Variants in FAM13B observed in about 807,000 individuals in gnomAD.
FAM13B encodes the protein protein FAM13B.
FAM13B carries 60 observed loss-of-function variants against 117.3 expected under a neutral mutation model. The ratio of observed to expected loss-of-function variants is 0.51; its 90% CI spans 0.42 to 0.63. The LOEUF (loss-of-function observed/expected upper bound fraction) is 0.63, where lower values mean the gene tolerates loss of function less well. FAM13B is among the 30% of genes least tolerant of loss of function. The probability of loss-of-function intolerance (pLI) is 0.00; values close to 1 mark genes in which losing one functional copy is unlikely to be tolerated. For synonymous variants in FAM13B, 332 were observed against 356.1 expected (o/e 0.93, Z 0.76); for missense variants, 972 against 1,091.9 (o/e 0.89, Z 1.55).
intron 15 of FAM13B, 125 bp downstream of exon 15, chr5:137,954,041 C>CTCT: frequency 7.7e-6 from 3 of 388,202 alleles, no homozygotes; most frequent in African/African-American, 2.5e-5. Flanking sequence ...CAATCTCTCT[C>CTCT]TTTTTTTTTT....
chr5:137,962,422 T>C lies in FAM13B; in HGVS notation c.1227A>G (p.Glu409=). ...ATGCTTACCTCTCAAGACAGCCATCTTCACTATCACCACGGTCACTGCATG... is the reference window on the plus strand; with the variant it reads ...ATGCTTACCTCTCAAGACAGCCATCCTCACTATCACCACGGTCACTGCATG... ...LEPCSDRGDS[E]DGCLEREEYL... Residue 409 remains glutamate (E), a synonymous_variant, in exon 11 of 24, where the codon GAA becomes GAG. Transcript: ENST00000689681. 6.2e-7 allele frequency: 1 copy of C among 1,613,828 alleles called. No homozygotes were observed. The highest frequency in any genetic ancestry group is 1.3e-5 in the African/African-American group (1 of 75,058).
At chr5:137,992,172 C>G (rs1778761462) in intron 7 of FAM13B, among the ~76,000 whole-genome samples, 1 of 151,888 alleles carries the variant, frequency 6.6e-6, no homozygotes, top group Non-Finnish European at 1.5e-5. Flanking sequence ...TCAGCTTCCC[C>G]AAGTGCTAGG....
chr5:137,981,179 G>A lies in FAM13B; in HGVS notation c.1179+4078C>T, dbSNP rs1435483799. Among the ~76,000 whole-genome samples, 8 of 142,422 alleles carry A rather than the reference G, an allele frequency of 5.6e-5. No homozygotes were observed. In the South Asian group the frequency reaches 8.8e-4, roughly 16 times the overall value. The allele number at this position is 142,422 out of a possible 152,430, so 93.4% of individuals were successfully genotyped here. A position where few individuals can be genotyped will look rare whatever the true frequency, so the allele number is the denominator to read the frequency against. On this transcript the variant is annotated intron_variant, in intron 10 of 23. Transcript: ENST00000689681. The stretch of plus-strand genomic sequence containing the variant: ...TTTCAAACTCCCAGGCTCAAATGAC[G>A]CTCTCACCATGACCTCCCAAAGTGC...
At chr5:137,981,045 G>A (rs1036291600) in intron 10 of FAM13B, among the ~76,000 whole-genome samples, 1 of 147,844 alleles carries the variant, frequency 6.8e-6, no homozygotes, top group African/African-American at 2.5e-5. Flanking sequence ...CCAAGTAGCT[G>A]GGACCACAGG....
intron 7 of FAM13B, among the ~76,000 whole-genome samples, chr5:137,993,549 G>C (rs745599593): frequency 2.6e-5 from 4 of 151,952 alleles, no homozygotes; most frequent in Non-Finnish European, 4.4e-5. Context: ...GGGAGGCTGA[G>C]GCGGGCAGAT....
chr5:138,026,497 T>C (rs1788408889), intron 1 of FAM13B, among the ~76,000 whole-genome samples: 1 of 150,522 alleles, frequency 6.6e-6, no homozygotes, highest in Non-Finnish European at 1.5e-5. Context: ...CATGATGTCA[T>C]GCGCCTGCAG....
At chr5:138,009,933 T>G (rs1435401531) in intron 6 of FAM13B, among the ~76,000 whole-genome samples, 3 of 151,968 alleles carry the variant, frequency 2.0e-5, no homozygotes, top group Non-Finnish European at 4.4e-5. Context: ...GAATAAAAAC[T>G]TATTCAGTTC....
intron 16 of FAM13B, 111 bp from the exon 17 acceptor site, chr5:137,952,820 T>C (rs1391070720): frequency 1.9e-5 from 12 of 638,180 alleles, no homozygotes; most frequent in Non-Finnish European, 2.9e-5. Context: ...TCAATTCTCA[T>C]TTCATCTTAT....
chr5:138,042,846 C>G (rs1791536197), intron 1 of FAM13B, among the ~76,000 whole-genome samples: 1 of 152,138 alleles, frequency 6.6e-6, no homozygotes. Flanking sequence ...AATCCCAGCA[C>G]TTTGGGAGGC....
chr5:138,028,592 G>A (rs937343835), intron 1 of FAM13B, among the ~76,000 whole-genome samples: 3 of 152,146 alleles, frequency 2.0e-5, no homozygotes, highest in African/African-American at 7.2e-5. Context: ...CATAAAATAC[G>A]CAAAAAATGG....
At chr5:138,022,074 C>T (rs1786879370) in intron 1 of FAM13B, among the ~76,000 whole-genome samples, 1 of 149,300 alleles carries the variant, frequency 6.7e-6, no homozygotes, top group African/African-American at 2.5e-5. Context: ...GTTTGCACCA[C>T]TGCACTCCAG....
intron 17 of FAM13B, among the ~76,000 whole-genome samples, chr5:137,951,785 T>C (rs1477723649): frequency 6.6e-6 from 1 of 152,124 alleles, no homozygotes; most frequent in Non-Finnish European, 1.5e-5. Context: ...GAGACCAGCC[T>C]GGGCAACATG....
chr5:137,983,214 A>ACG, intron 10 of FAM13B, among the ~76,000 whole-genome samples: 1 of 120,272 alleles, frequency 8.3e-6, no homozygotes, highest in Admixed American at 9.2e-5. Context: ...AAAAAAAAAA[A>ACG]ACCGAGTGAG....
chr5:137,960,789 C>T (rs928999787), intron 11 of FAM13B, among the ~76,000 whole-genome samples: 5 of 152,134 alleles, frequency 3.3e-5, no homozygotes, highest in African/African-American at 4.8e-5. Context: ...CCTTTTACTT[C>T]CCCAGAAAAA....
At chr5:137,968,541 G>C (rs1186394631) in intron 10 of FAM13B, among the ~76,000 whole-genome samples, 2 of 151,816 alleles carry the variant, frequency 1.3e-5, no homozygotes, top group Non-Finnish European at 2.9e-5. Flanking sequence ...AGTTTATGTA[G>C]ATCACATAAA....
At chr5:137,989,896 GA>G (rs148450551) in intron 7 of FAM13B, among the ~76,000 whole-genome samples, 1 of 151,914 alleles carries the variant, frequency 6.6e-6, no homozygotes, top group East Asian at 1.9e-4. Context: ...AAGCTGGGGG[GA>G]AAAAACCCCA....
rs759150261 is a variant in FAM13B at position 138,011,750 on chromosome 5, A to G, written c.548+18T>C. On this transcript the variant is annotated intron_variant, in intron 5 of 23. Transcript: ENST00000689681. The stretch of plus-strand genomic sequence containing the variant: ...TCTAATTTTTAAAAATTAAACAAAA[A>G]TTTTTTAAACAACTTACTGGAAGAC... 6.3e-7 allele frequency: 1 copy of G among 1,586,132 alleles called. No individual in the cohort carries two copies. The highest frequency in any genetic ancestry group is 8.6e-7 in the Non-Finnish European group (1 of 1,167,958).
intron 7 of FAM13B, among the ~76,000 whole-genome samples, chr5:137,992,888 T>C (rs1275371696): frequency 1.3e-5 from 2 of 152,194 alleles, no homozygotes; most frequent in African/African-American, 4.8e-5. Flanking sequence ...CACTAGAAGA[T>C]GTGTATAAGA....
At chr5:137,951,351 C>T (rs1764983405) in intron 17 of FAM13B, among the ~76,000 whole-genome samples, 2 of 151,966 alleles carry the variant, frequency 1.3e-5, no homozygotes, top group South Asian at 4.2e-4. Flanking sequence ...TATTTAGTAC[C>T]TCAGAAATAC....
Sources: allele counts gnomAD v4.1 joint callset (sites outside exome capture counted in the v4.1 genomes callset), GRCh38; gene constraint gnomAD v4.1.1; transcripts MANE v1.5; gene names NCBI Gene and HGNC (gene_info 2026-07-23, HGNC 2026-07-21).